IL10RB: variants seen among roughly 807,000 people sequenced by gnomAD.
The protein encoded by IL10RB is interleukin-10 receptor subunit beta.
In IL10RB, 30 loss-of-function variants were observed where a neutral mutation model predicts 38.7. That is an observed-to-expected ratio of 0.78 (90% CI 0.58 to 1.05). The LOEUF is 1.05. Ranked by LOEUF, IL10RB falls within the 50% of genes least tolerant of loss-of-function variation. The pLI, the probability that IL10RB is intolerant of heterozygous loss-of-function variation, is 0.00. For missense variants in IL10RB, 328 were observed against 397.1 expected, an observed-to-expected ratio of 0.83 and a Z score of 1.48; for synonymous variants, 142 against 145.9, an observed-to-expected ratio of 0.97 and a Z score of 0.19.
At chr21:33,290,908 A>G (rs1989474070) in intron 6 of IL10RB, among the ~76,000 whole-genome samples, 1 of 152,146 alleles carries the variant, frequency 6.6e-6, no homozygotes, top group Non-Finnish European at 1.5e-5. Context: ...ACGGGAATTG[A>G]TTCTCTCACG....
rs951238586 is a variant in IL10RB, at chr21:33,296,790, A to C, written c.*433A>C. 2.9e-6 allele frequency: 1 copy of C among 348,670 alleles called. No individual in the cohort carries two copies. The highest frequency in any genetic ancestry group is 5.6e-6 in the Non-Finnish European group (1 of 177,248). The allele number at this position is 348,670 out of a possible 1,614,324, so 21.6% of individuals were successfully genotyped here. A position where few individuals can be genotyped will look rare whatever the true frequency, so the allele number is the denominator to read the frequency against. Reference sequence around the variant, plus strand: ...TGGTGAAACCCAGTCTCTACTAAAAATACAAAAATTAGCTAGGCATGATGG... The same window carrying C: ...TGGTGAAACCCAGTCTCTACTAAAACTACAAAAATTAGCTAGGCATGATGG... On this transcript the variant is annotated 3_prime_UTR_variant, in exon 7 of 7. Coordinates refer to ENST00000290200, the MANE Select transcript of IL10RB (RefSeq NM_000628.5).
At chr21:33,302,421 G>A (rs1265538494) in intron 1 of IL10RB, among the ~76,000 whole-genome samples, 1 of 152,238 alleles carries the variant, frequency 6.6e-6, no homozygotes, top group East Asian at 1.9e-4. Context: ...AGGCAACTCT[G>A]AATCATCATC....
At chr21:33,273,964 C>G (rs1568904357) in intron 2 of IL10RB, among the ~76,000 whole-genome samples, 2 of 152,244 alleles carry the variant, frequency 1.3e-5, no homozygotes, top group Non-Finnish European at 2.9e-5. Flanking sequence ...AAGTCTTGAA[C>G]CCCTTAAAGT....
intron 5 of IL10RB, among the ~76,000 whole-genome samples, chr21:33,284,471 A>T (rs1359936867): frequency 6.6e-6 from 1 of 152,156 alleles, no homozygotes; most frequent in African/African-American, 2.4e-5. Flanking sequence ...TCCCATTTAA[A>T]TCCCACAAGT....
At position 33,290,878 on chromosome 21, in the gene IL10RB, C is replaced by T. The variant is rs941156966; in HGVS notation, c.804+2617C>T. Among the ~76,000 whole-genome samples, 9 of 152,228 alleles carry T rather than the reference C, an allele frequency of 5.9e-5. No individual in the cohort carries two copies. The South Asian group carries it at 1.7e-3, about 28-fold the overall frequency. ...TCGGGGCTGCTGTAGCAAAGTAGCA[C>T]TCGTTGCGCAGCTGTAACAACGGGA... is the stretch of plus-strand genomic sequence containing the variant. On this transcript the variant is annotated intron_variant, in intron 6 of 6. Coordinates refer to ENST00000290200, the MANE Select transcript of IL10RB (RefSeq NM_000628.5).
chr21:33,301,652 G>A (rs2082986288), downstream of IL10RB, among the ~76,000 whole-genome samples: 1 of 152,234 alleles, frequency 6.6e-6, no homozygotes, highest in African/African-American at 2.4e-5. Context: ...GATGGGGTGG[G>A]AGCGATAGCC....
At chr21:33,281,954 C>G (rs1368007715) in intron 4 of IL10RB, among the ~76,000 whole-genome samples, 1 of 152,106 alleles carries the variant, frequency 6.6e-6, no homozygotes, top group African/African-American at 2.4e-5. Context: ...GAAGGTCCCT[C>G]TACTACTATG....
At chr21:33,280,953 G>A (rs946702651) in intron 4 of IL10RB, among the ~76,000 whole-genome samples, 1 of 152,156 alleles carries the variant, frequency 6.6e-6, no homozygotes, top group African/African-American at 2.4e-5. Context: ...AAATACCACA[G>A]ACTAGGTAAC....
chr21:33,306,359 A>G (rs912558784), intron 1 of IL10RB, among the ~76,000 whole-genome samples: 2 of 152,234 alleles, frequency 1.3e-5, no homozygotes, highest in African/African-American at 4.8e-5. Context: ...AATTATATTC[A>G]TGTGTATCAG....
rs893037352 is a variant in IL10RB at position 33,283,011 on chromosome 21, A to G, written c.499-83A>G. ...TTCCTATTTTAAGTCTAAAACGGCT[A>G]TTATCACTGATAAATGTGAAAAAAA... On this transcript the variant is annotated intron_variant, in intron 4 of 6. Coordinates refer to ENST00000290200, the MANE Select transcript of IL10RB (RefSeq NM_000628.5). 5 of 1,125,654 alleles carry G rather than the reference A, an allele frequency of 4.4e-6. No homozygotes were observed. The African/African-American group carries it at 4.7e-5, about 11-fold the overall frequency. 69.7% of individuals were successfully genotyped at this position (1,125,654 alleles called of 1,614,324 possible).
chr21:33,279,828 T>A lies in IL10RB; in HGVS notation c.408T>A (p.Ile136=). 1 of 1,613,506 alleles carries A rather than the reference T, an allele frequency of 6.2e-7. No individual in the cohort carries two copies. The highest frequency in any genetic ancestry group is 8.5e-7 in the Non-Finnish European group (1 of 1,179,404). The change falls in exon 4 of 7, where the codon ATT becomes ATA. Residue 136 remains isoleucine, a synonymous_variant. Coordinates refer to ENST00000290200, the MANE Select transcript of IL10RB (RefSeq NM_000628.5). ...SLHMRFLAPK[I]ENEYETWTMK... is the part of the protein sequence containing the mutation. ...ATATGCGTTTCTTAGCCCCTAAAAT[T>A]GAGAATGAATACGAAACTTGGACTA...
chr21:33,283,938 G>C (rs1989325753), intron 5 of IL10RB, among the ~76,000 whole-genome samples: 1 of 152,176 alleles, frequency 6.6e-6, no homozygotes, highest in Non-Finnish European at 1.5e-5. Flanking sequence ...GTTGGTGAAG[G>C]GTTCAGCAAG....
At chr21:33,284,616 G>T (rs572289691) in intron 5 of IL10RB, among the ~76,000 whole-genome samples, 1 of 152,144 alleles carries the variant, frequency 6.6e-6, no homozygotes, top group African/African-American at 2.4e-5. Flanking sequence ...TGGAGGTGGC[G>T]CCTGGTGGGA....
chr21:33,272,884 T>C (rs1195220252), intron 2 of IL10RB, among the ~76,000 whole-genome samples: 1 of 152,240 alleles, frequency 6.6e-6, no homozygotes, highest in East Asian at 1.9e-4. Flanking sequence ...AAATGTCATC[T>C]CTTTTCTTCC....
At chr21:33,305,275 AT>A (rs531033316) in intron 1 of IL10RB, among the ~76,000 whole-genome samples, 2 of 151,334 alleles carry the variant, frequency 1.3e-5, no homozygotes, top group African/African-American at 4.9e-5. Flanking sequence ...CGACAGGCTA[AT>A]TTTTTTTTCT....
chr21:33,277,335 A>G (rs945842596), intron 3 of IL10RB, among the ~76,000 whole-genome samples: 1 of 58,262 alleles, frequency 1.7e-5, no homozygotes, highest in African/African-American at 5.1e-5. Flanking sequence ...ACTTGGTCTC[A>G]AAAAAAAAAA....
At chr21:33,295,660 A>G (rs1178763323) in intron 6 of IL10RB, among the ~76,000 whole-genome samples, 1 of 121,740 alleles carries the variant, frequency 8.2e-6, no homozygotes, top group Non-Finnish European at 1.7e-5. Context: ...CGACAGAGCG[A>G]GACTCCATCT....
At chr21:33,298,906 A>C (rs2082978049), downstream of IL10RB, among the ~76,000 whole-genome samples, 1 of 152,144 alleles carries the variant, frequency 6.6e-6, no homozygotes, top group Non-Finnish European at 1.5e-5. Context: ...CTTTGTCGTC[A>C]TGTGTGCAGG....
At chr21:33,278,560 CAT>C (rs1221134407) in intron 3 of IL10RB, among the ~76,000 whole-genome samples, 1 of 152,164 alleles carries the variant, frequency 6.6e-6, no homozygotes, top group Non-Finnish European at 1.5e-5. Flanking sequence ...AGCTCCCATC[CAT>C]GGAAGTTCCC....
Sources: allele counts gnomAD v4.1 joint callset (sites outside exome capture counted in the v4.1 genomes callset), GRCh38; gene constraint gnomAD v4.1.1; transcripts MANE v1.5; gene names NCBI Gene and HGNC (gene_info 2026-07-23, HGNC 2026-07-21).